The following ZNF717 variants were observed in gnomAD, a reference collection of about 807,000 sequenced individuals.
ZNF717 encodes zinc finger protein 717, also known as krueppel-like factor X17.
In ZNF717, 9 loss-of-function variants were observed where a neutral mutation model predicts 13.8. The observed-to-expected ratio is 0.65, with a 90% confidence interval of 0.39 to 1.14. The LOEUF (loss-of-function observed/expected upper bound fraction) is 1.14, where lower values mean the gene tolerates loss of function less well. Among genes scored for constraint, ZNF717 ranks in the 50% most tolerant of loss-of-function variants. ZNF717 has a pLI of 0.01. For synonymous variants in ZNF717, 327 were observed against 364.1 expected (o/e 0.90, Z 1.16); for missense variants, 1,040 against 1,080.7 (o/e 0.96, Z 0.53).
downstream of ZNF717, among the ~76,000 whole-genome samples, chr3:75,706,729 A>G (rs1382841700): frequency 6.6e-5 from 10 of 152,296 alleles, no homozygotes; most frequent in South Asian, 1.7e-3. Flanking sequence ...TTGGACTATT[A>G]GCTATCGAGA....
chr3:75,700,123 G>A (rs143138859), intron 6 of ZNF717, among the ~76,000 whole-genome samples: 1 of 152,274 alleles, frequency 6.6e-6, no homozygotes, highest in East Asian at 1.9e-4. Context: ...GCCAGGGGCA[G>A]TGGCTCATGC....
At chr3:75,724,118 C>G (rs76701882) in intron 4 of ZNF717, among the ~76,000 whole-genome samples, 6 of 152,080 alleles carry the variant, frequency 3.9e-5, no homozygotes, top group Non-Finnish European at 8.8e-5. Flanking sequence ...GGCCTCCAAC[C>G]GGTAGACAGG....
chr3:75,777,087 T>A (rs112712468), intron 2 of ZNF717, among the ~76,000 whole-genome samples: 19 of 141,942 alleles, frequency 1.3e-4, no homozygotes, highest in Admixed American at 2.8e-4. Context: ...AGAGTTTGCA[T>A]GCAGCCATCT....
intron 4 of ZNF717, among the ~76,000 whole-genome samples, chr3:75,719,718 A>G (rs1938132345): frequency 1.3e-5 from 2 of 152,126 alleles, no homozygotes; most frequent in Non-Finnish European, 2.9e-5. Flanking sequence ...GCACTTTGGG[A>G]GGCTGAGGCA....
At chr3:75,714,912 A>G (rs1241758625) in intron 5 of ZNF717, among the ~76,000 whole-genome samples, 2 of 152,230 alleles carry the variant, frequency 1.3e-5, no homozygotes. Context: ...AACAAAATAC[A>G]TGTGTATATG....
intron 2 of ZNF717, among the ~76,000 whole-genome samples, chr3:75,773,423 G>C (rs1342812617): frequency 6.6e-6 from 1 of 152,172 alleles, no homozygotes; most frequent in Non-Finnish European, 1.5e-5. Context: ...AAAAATGAGG[G>C]CTCCCAAATT....
chr3:75,766,391 T>A (rs1195702205), intron 2 of ZNF717, among the ~76,000 whole-genome samples: 1 of 152,060 alleles, frequency 6.6e-6, no homozygotes, highest in South Asian at 2.1e-4. Context: ...ATGTTAACAC[T>A]AGATGAAAGA....
chr3:75,761,541 G>A (rs1402990547), intron 2 of ZNF717, among the ~76,000 whole-genome samples: 1 of 152,218 alleles, frequency 6.6e-6, no homozygotes, highest in Non-Finnish European at 1.5e-5. Context: ...AATTAGGCAA[G>A]AGAAAGAAAT....
intron 5 of ZNF717, among the ~76,000 whole-genome samples, chr3:75,713,106 T>A (rs1467780026): frequency 1.3e-5 from 2 of 152,022 alleles, no homozygotes; most frequent in African/African-American, 4.8e-5. Context: ...AGTGGGATCC[T>A]GTTCCCCCAC....
intron 4 of ZNF717, among the ~76,000 whole-genome samples, chr3:75,717,626 G>A (rs77389757): frequency 2.7e-5 from 4 of 147,356 alleles, no homozygotes; most frequent in Non-Finnish European, 6.0e-5. Flanking sequence ...TGTGAGTGCC[G>A]GCATGTTGAC....
At chr3:75,779,307 A>C (rs1383723531) in intron 2 of ZNF717, among the ~76,000 whole-genome samples, 1 of 150,110 alleles carries the variant, frequency 6.7e-6, no homozygotes, top group African/African-American at 2.5e-5. Context: ...CTAAAACCAG[A>C]AACCTAAAAC....
At chr3:75,744,194 C>T (rs1204785514) in intron 2 of ZNF717, among the ~76,000 whole-genome samples, 1 of 152,244 alleles carries the variant, frequency 6.6e-6, no homozygotes, top group Non-Finnish European at 1.5e-5. Context: ...TATAATTCAT[C>T]ATGATCATAG....
At chr3:75,748,244 G>A (rs1440888442) in intron 2 of ZNF717, among the ~76,000 whole-genome samples, 9 of 152,084 alleles carry the variant, frequency 5.9e-5, no homozygotes, top group Non-Finnish European at 7.3e-5. Flanking sequence ...AATCACAGCT[G>A]AATTCTACCA....
intron 2 of ZNF717, among the ~76,000 whole-genome samples, chr3:75,756,941 G>C (rs1373049766): frequency 6.6e-6 from 1 of 152,270 alleles, no homozygotes; most frequent in Admixed American, 6.5e-5. Flanking sequence ...CTCCCAAAGT[G>C]CTGGGATTAC....
At chr3:75,720,317 G>C (rs75157552) in intron 4 of ZNF717, among the ~76,000 whole-genome samples, 1 of 152,182 alleles carries the variant, frequency 6.6e-6, no homozygotes, top group Non-Finnish European at 1.5e-5. Flanking sequence ...AAAAAAGAAT[G>C]AAATAATGTT....
At chr3:75,716,157 T>G (rs1222888459) in intron 5 of ZNF717, among the ~76,000 whole-genome samples, 1 of 149,272 alleles carries the variant, frequency 6.7e-6, no homozygotes, top group Non-Finnish European at 1.5e-5. Flanking sequence ...TTTTTTTGTA[T>G]TTTAATAGAG....
chr3:75,744,617 C>CT (rs1387293795), intron 2 of ZNF717, among the ~76,000 whole-genome samples: 1 of 152,156 alleles, frequency 6.6e-6, no homozygotes, highest in African/African-American at 2.4e-5. Flanking sequence ...GTGGACAACT[C>CT]TAAGTGTTAA....
intron 2 of ZNF717, among the ~76,000 whole-genome samples, chr3:75,780,682 G>A (rs1252595056): frequency 3.3e-5 from 5 of 152,342 alleles, no homozygotes; most frequent in African/African-American, 1.2e-4. Flanking sequence ...TTACAGGTGT[G>A]AGCCACCACG....
chr3:75,739,624 T>C (rs1447109468), intron 4 of ZNF717, among the ~76,000 whole-genome samples: 11 of 152,322 alleles, frequency 7.2e-5, no homozygotes, highest in Admixed American at 5.2e-4. Context: ...ATGCATCTAC[T>C]TCCTACTCAT....
Sources: gnomAD v4.1 joint callset for allele counts (sites outside exome capture counted in the v4.1 genomes callset) on GRCh38, gnomAD v4.1.1 for gene constraint, MANE v1.5 for transcripts, NCBI Gene and HGNC (gene_info 2026-07-23, HGNC 2026-07-21) for gene names.